The following ROBO2 variants were observed in gnomAD, a reference collection of about 807,000 sequenced individuals.
ROBO2 encodes roundabout homolog 2.
ROBO2 carries 53 observed loss-of-function variants against 160.8 expected under a neutral mutation model. The ratio of observed to expected loss-of-function variants is 0.33; its 90% CI spans 0.26 to 0.41. The LOEUF (loss-of-function observed/expected upper bound fraction) is 0.41. Among genes scored for constraint, ROBO2 ranks in the 10% least tolerant of loss-of-function variants. The pLI is 1.00. For synonymous variants in ROBO2, 664 were observed against 611.7 expected (o/e 1.09, Z -1.26); for missense variants, 1,577 against 1,722.4 (o/e 0.92, Z 1.49).
At chr3:77,442,584 C>T (rs1239807303) in intron 2 of ROBO2, among the ~76,000 whole-genome samples, 2 of 152,096 alleles carry the variant, frequency 1.3e-5, no homozygotes. Context: ...AAAACAGTCT[C>T]CAATACATGG....
intron 2 of ROBO2, among the ~76,000 whole-genome samples, chr3:76,812,942 T>A (rs1361691679): frequency 7.9e-6 from 1 of 126,666 alleles, no homozygotes; most frequent in Non-Finnish European, 1.7e-5. Context: ...TTTTAGCAAA[T>A]CTCATCCATG....
chr3:77,579,994 G>T, exon 16 of ROBO2: 2 of 1,613,776 alleles, frequency 1.2e-6, no homozygotes, highest in Non-Finnish European at 1.7e-6. Flanking sequence ...ACAAAACTGT[G>T]GATGCAGCCA....
At chr3:76,038,896 G>A (rs1490077833) in intron 2 of ROBO2, among the ~76,000 whole-genome samples, 4 of 151,778 alleles carry the variant, frequency 2.6e-5, no homozygotes, top group Non-Finnish European at 4.4e-5. Flanking sequence ...GTAGTGATTA[G>A]CTCTTTTGTT....
intron 2 of ROBO2, among the ~76,000 whole-genome samples, chr3:76,262,584 T>C (rs1398606524): frequency 7.2e-5 from 11 of 152,178 alleles, no homozygotes; most frequent in African/African-American, 2.7e-4. Flanking sequence ...CCCCTACTTA[T>C]ATACTTGGGG....
intron 2 of ROBO2, among the ~76,000 whole-genome samples, chr3:77,333,534 G>T (rs1175239756): frequency 1.3e-5 from 2 of 152,150 alleles, no homozygotes; most frequent in Non-Finnish European, 2.9e-5. Flanking sequence ...TTTATGTAGA[G>T]AAGTATGTTT....
intron 2 of ROBO2, among the ~76,000 whole-genome samples, chr3:76,740,652 A>G (rs1237145511): frequency 6.6e-6 from 1 of 152,094 alleles, no homozygotes; most frequent in African/African-American, 2.4e-5. Flanking sequence ...TATCTTGCCT[A>G]TATTTCTAGG....
intron 2 of ROBO2, among the ~76,000 whole-genome samples, chr3:77,420,075 T>C (rs953257457): frequency 1.3e-5 from 2 of 152,076 alleles, no homozygotes; most frequent in African/African-American, 4.8e-5. Flanking sequence ...TGAGTATTCA[T>C]AACATTCCCC....
chr3:77,265,390 G>C (rs1175805351), intron 2 of ROBO2, among the ~76,000 whole-genome samples: 1 of 152,032 alleles, frequency 6.6e-6, no homozygotes, highest in African/African-American at 2.4e-5. Context: ...AATAACATCT[G>C]TTTTAAAACT....
At chr3:75,980,638 C>T (rs2065248473) in intron 2 of ROBO2, among the ~76,000 whole-genome samples, 1 of 151,450 alleles carries the variant, frequency 6.6e-6, no homozygotes, top group African/African-American at 2.4e-5. Flanking sequence ...GTATAAATTA[C>T]ATAAAGCATC....
intron 2 of ROBO2, among the ~76,000 whole-genome samples, chr3:77,289,121 G>C (rs1034527139): frequency 1.3e-5 from 2 of 152,124 alleles, no homozygotes; most frequent in African/African-American, 4.8e-5. Flanking sequence ...AGTCTAGTGG[G>C]TGAAGTTGGT....
intron 2 of ROBO2, among the ~76,000 whole-genome samples, chr3:76,078,173 A>G (rs2068703463): frequency 6.6e-6 from 1 of 152,094 alleles, no homozygotes; most frequent in African/African-American, 2.4e-5. Flanking sequence ...TGTTTTCATT[A>G]TTGGTTGTGA....
intron 2 of ROBO2, among the ~76,000 whole-genome samples, chr3:76,610,507 GC>G (rs974655057): frequency 6.6e-6 from 1 of 152,218 alleles, no homozygotes; most frequent in Non-Finnish European, 1.5e-5. Flanking sequence ...CAATTGTGGG[GC>G]CCCAAGGGGT....
intron 2 of ROBO2, among the ~76,000 whole-genome samples, chr3:77,403,192 G>T (rs1277765779): frequency 1.3e-5 from 2 of 152,162 alleles, no homozygotes; most frequent in African/African-American, 4.8e-5. Context: ...GTTAACATGT[G>T]CATTGTCTCA....
chr3:76,147,636 A>G (rs1406362191), intron 2 of ROBO2, among the ~76,000 whole-genome samples: 1 of 152,060 alleles, frequency 6.6e-6, no homozygotes, highest in African/African-American at 2.4e-5. Context: ...ACATAACAAT[A>G]CACTGAGACA....
intron 6 of ROBO2, among the ~76,000 whole-genome samples, chr3:77,525,244 T>G (rs1397110710): frequency 1.3e-5 from 2 of 150,468 alleles, no homozygotes; most frequent in East Asian, 3.9e-4. Flanking sequence ...TGCTGTTTTT[T>G]TTTTTTTTTT....
chr3:76,505,102 A>T (rs72900594), intron 2 of ROBO2, among the ~76,000 whole-genome samples: 6,476 of 152,256 alleles, frequency 0.043, 475 homozygotes, highest in African/African-American at 0.15. Context: ...TTTGAAAAAA[A>T]CAGTATCAAT....
At chr3:77,511,203 A>G (rs2089345330) in intron 5 of ROBO2, among the ~76,000 whole-genome samples, 1 of 151,998 alleles carries the variant, frequency 6.6e-6, no homozygotes, top group South Asian at 2.1e-4. Flanking sequence ...ATTTGCCAAG[A>G]AAATTAATCC....
At chr3:76,251,030 A>T (rs181155127) in intron 2 of ROBO2, among the ~76,000 whole-genome samples, 2 of 152,144 alleles carry the variant, frequency 1.3e-5, no homozygotes, top group Admixed American at 1.3e-4. Context: ...TTCATAGCAT[A>T]TTCTTTCCTG....
intron 2 of ROBO2, among the ~76,000 whole-genome samples, chr3:77,264,401 G>A (rs2058988330): frequency 6.6e-6 from 1 of 152,104 alleles, no homozygotes; most frequent in Admixed American, 6.6e-5. Context: ...GGTTTTGTGC[G>A]ATTGCCATTT....
Sources: gnomAD v4.1 joint callset for allele counts (sites outside exome capture counted in the v4.1 genomes callset) on GRCh38, gnomAD v4.1.1 for gene constraint, MANE v1.5 for transcripts, NCBI Gene and HGNC (gene_info 2026-07-23, HGNC 2026-07-21) for gene names.